The following ASTN2 variants were observed in gnomAD, a reference collection of about 807,000 sequenced individuals.
ASTN2 encodes the protein astrotactin-2.
Under a neutral mutation model 139.8 loss-of-function variants are expected in ASTN2, and 54 were observed. The ratio of observed to expected loss-of-function variants is 0.39; its 90% CI spans 0.31 to 0.48. The LOEUF is 0.48. Among genes scored for constraint, ASTN2 ranks in the 20% least tolerant of loss-of-function variants. ASTN2 has a pLI of 0.95. For synonymous variants in ASTN2, 756 were observed against 719.5 expected (o/e 1.05, Z -0.81); for missense variants, 1,565 against 1,725.1 (o/e 0.91, Z 1.64).
At chr9:116,641,112 T>A (rs1857307044) in intron 17 of ASTN2, among the ~76,000 whole-genome samples, 1 of 152,166 alleles carries the variant, frequency 6.6e-6, no homozygotes, top group Admixed American at 6.5e-5. Context: ...GGGTTACAAA[T>A]GAGAAGTTAC....
intron 2 of ASTN2, among the ~76,000 whole-genome samples, chr9:117,281,570 T>C (rs1303339479): frequency 5.9e-5 from 9 of 152,174 alleles, no homozygotes; most frequent in African/African-American, 9.7e-5. Flanking sequence ...CTCACAGCAT[T>C]CATTTTGTGT....
chr9:116,816,366 C>G (rs2132263904), intron 12 of ASTN2, among the ~76,000 whole-genome samples: 1 of 152,266 alleles, frequency 6.6e-6, no homozygotes, highest in South Asian at 2.1e-4. Flanking sequence ...CTCAATCTAT[C>G]TTGAATTCAC....
intron 1 of ASTN2, among the ~76,000 whole-genome samples, chr9:117,345,453 A>C (rs1829186003): frequency 6.6e-6 from 1 of 152,152 alleles, no homozygotes; most frequent in African/African-American, 2.4e-5. Flanking sequence ...AAATCACTTA[A>C]TCTTTACAAA....
intron 4 of ASTN2, among the ~76,000 whole-genome samples, chr9:117,116,183 T>A (rs1587980072): frequency 6.6e-6 from 1 of 152,142 alleles, no homozygotes. Context: ...GCCTCACTCC[T>A]ATCTCCTGGG....
chr9:117,115,957 G>A (rs1228077545), intron 4 of ASTN2, among the ~76,000 whole-genome samples: 5 of 151,178 alleles, frequency 3.3e-5, no homozygotes, highest in East Asian at 2.0e-4. Flanking sequence ...CCCAGAAGGC[G>A]GAGCTTGCAG....
chr9:116,730,606 C>G (rs1026837098), intron 14 of ASTN2, among the ~76,000 whole-genome samples: 4 of 152,114 alleles, frequency 2.6e-5, no homozygotes, highest in Non-Finnish European at 5.9e-5. Flanking sequence ...AATGTCTGCA[C>G]AAGAAGATTC....
chr9:116,734,329 G>C (rs1280353104), intron 13 of ASTN2, among the ~76,000 whole-genome samples: 1 of 152,144 alleles, frequency 6.6e-6, no homozygotes, highest in Non-Finnish European at 1.5e-5. Context: ...TGAGAGGATG[G>C]TAGTAACAGT....
intron 1 of ASTN2, among the ~76,000 whole-genome samples, chr9:117,367,749 T>C (rs1391259394): frequency 6.6e-6 from 1 of 152,160 alleles, no homozygotes; most frequent in East Asian, 1.9e-4. Flanking sequence ...TATTTATCTA[T>C]AAAATCACTG....
At chr9:116,447,897 T>G (rs1848050371) in intron 20 of ASTN2, among the ~76,000 whole-genome samples, 1 of 151,826 alleles carries the variant, frequency 6.6e-6, no homozygotes, top group Non-Finnish European at 1.5e-5. Context: ...GGAGGGTGGG[T>G]AGAAAGGAAG....
chr9:117,147,110 G>C (rs1370813224), intron 3 of ASTN2, among the ~76,000 whole-genome samples: 1 of 152,142 alleles, frequency 6.6e-6, no homozygotes, highest in Non-Finnish European at 1.5e-5. Context: ...AAAGGCATAA[G>C]TGTTGTATGG....
At chr9:116,489,823 C>T (rs775645373) in intron 19 of ASTN2, among the ~76,000 whole-genome samples, 5 of 152,106 alleles carry the variant, frequency 3.3e-5, no homozygotes, top group African/African-American at 9.7e-5. Context: ...CTATTTTTCA[C>T]GAAGACAATA....
intron 2 of ASTN2, among the ~76,000 whole-genome samples, chr9:117,233,753 A>C (rs1315460306): frequency 6.6e-6 from 1 of 152,162 alleles, no homozygotes; most frequent in East Asian, 1.9e-4. Context: ...AACAGTGAGC[A>C]ATGAGACTGA....
At chr9:116,647,425 C>T (rs1229019125) in intron 17 of ASTN2, among the ~76,000 whole-genome samples, 2 of 152,190 alleles carry the variant, frequency 1.3e-5, no homozygotes, top group Non-Finnish European at 2.9e-5. Flanking sequence ...CACTTTCACA[C>T]TCTTGGGATT....
At chr9:116,604,630 A>G (rs1414316175) in intron 19 of ASTN2, among the ~76,000 whole-genome samples, 1 of 152,178 alleles carries the variant, frequency 6.6e-6, no homozygotes, top group Non-Finnish European at 1.5e-5. Context: ...AAATTCCACA[A>G]GATTTCATAA....
intron 10 of ASTN2, among the ~76,000 whole-genome samples, chr9:116,896,493 G>T (rs960693126): frequency 6.6e-6 from 1 of 151,852 alleles, no homozygotes; most frequent in Non-Finnish European, 1.5e-5. Context: ...AATTTTATGT[G>T]TTTTTAGTAG....
intron 19 of ASTN2, among the ~76,000 whole-genome samples, chr9:116,557,002 C>T (rs558282104): frequency 5.9e-5 from 9 of 151,590 alleles, no homozygotes; most frequent in South Asian, 2.1e-4. Context: ...GCAGGTGGAC[C>T]ACGAGGTTAG....
Position 117,071,363 on chromosome 9 carries a change from C to T in ASTN2, c.1276+24681G>A, listed in dbSNP as rs1379247147. On this transcript the variant is annotated intron_variant, in intron 5 of 22. Transcript: ENST00000313400. ...GGGACCCACTTGAAGAGGCAGTCTG[C>T]GGGTTCTCAGATCTCCAGCTGCGTG... 5.3e-5 allele frequency among the ~76,000 whole-genome samples: 8 copies of T among 151,724 alleles called. No homozygotes were observed. The South Asian group carries it at 1.5e-3, about 28-fold the overall frequency.
At chr9:117,322,843 A>C (rs1828377375) in intron 1 of ASTN2, among the ~76,000 whole-genome samples, 1 of 152,160 alleles carries the variant, frequency 6.6e-6, no homozygotes. Flanking sequence ...ACAGCAGCAC[A>C]GACCAAAGCA....
intron 22 of ASTN2, among the ~76,000 whole-genome samples, chr9:116,439,467 T>C (rs1847775590): frequency 6.6e-6 from 1 of 151,802 alleles, no homozygotes; most frequent in African/African-American, 2.4e-5. Flanking sequence ...CCCAAAGTGC[T>C]GGGATTACAG....
Sources: gnomAD v4.1 joint callset for allele counts (sites outside exome capture counted in the v4.1 genomes callset) on GRCh38, gnomAD v4.1.1 for gene constraint, MANE v1.5 for transcripts, NCBI Gene and HGNC (gene_info 2026-07-23, HGNC 2026-07-21) for gene names.